Variants in ATXN1 observed in about 807,000 individuals in gnomAD.
ATXN1 encodes ataxin 1.
Under a neutral mutation model 56.4 loss-of-function variants are expected in ATXN1, and 8 were observed. That is an observed-to-expected ratio of 0.14 (90% CI 0.08 to 0.26). The LOEUF is 0.26. Ranked by LOEUF, ATXN1 falls within the 10% of genes least tolerant of loss-of-function variation. The pLI is 1.00. For synonymous variants in ATXN1, 514 were observed against 494.6 expected, an observed-to-expected ratio of 1.04 and a Z score of -0.52; for missense variants, 987 against 1,106.5, an observed-to-expected ratio of 0.89 and a Z score of 1.53.
intron 6 of ATXN1, among the ~76,000 whole-genome samples, chr6:16,358,655 G>A (rs1261024406): frequency 6.6e-6 from 1 of 152,190 alleles, no homozygotes; most frequent in African/African-American, 2.4e-5. Flanking sequence ...TGTTCATTCC[G>A]AGTTGGGATG....
intron 2 of ATXN1, among the ~76,000 whole-genome samples, chr6:16,716,451 T>C (rs1759642721): frequency 6.6e-6 from 1 of 152,176 alleles, no homozygotes; most frequent in African/African-American, 2.4e-5. Flanking sequence ...AACTGGAAGA[T>C]CTGAGCTCAG....
chr6:16,730,486 T>TATATATA (rs869056128), intron 2 of ATXN1, among the ~76,000 whole-genome samples: 1 of 109,018 alleles, frequency 9.2e-6, no homozygotes, highest in Admixed American at 9.6e-5. Flanking sequence ...TAAAACAGTA[T>TATATATA]GTATATATAT....
chr6:16,331,309 G>A (rs1380721164), intron 6 of ATXN1, among the ~76,000 whole-genome samples: 1 of 152,172 alleles, frequency 6.6e-6, no homozygotes, highest in Non-Finnish European at 1.5e-5. Flanking sequence ...CCCACCTAGG[G>A]TTTTTGTAAG....
chr6:16,391,111 G>A (rs1272484866), intron 6 of ATXN1, among the ~76,000 whole-genome samples: 1 of 141,004 alleles, frequency 7.1e-6, no homozygotes, highest in East Asian at 2.1e-4. Context: ...GCAGTGAGCC[G>A]AGATTGCGTC....
rs559330521 is a variant in ATXN1 at position 16,674,051 on chromosome 6, T to TATATATATATA, written c.-614-16151_-614-16150insTATATATATAT. On this transcript the variant is annotated intron_variant, in intron 2 of 7. Coordinates refer to ENST00000436367, the MANE Select transcript of ATXN1 (RefSeq NM_001128164.2). ...ATACATGGAAATGCTCTAACGTGTTTTATATATATATATATTCTTACATTG... is the reference window on the plus strand; with the variant it reads ...ATACATGGAAATGCTCTAACGTGTTTATATATATATATATATATATATATATTCTTACATTG... 6.2e-3 allele frequency among the ~76,000 whole-genome samples: 940 copies of TATATATATATA among 151,904 alleles called. 7 individuals are homozygous for TATATATATATA. Among genetic ancestry groups the TATATATATATA allele is most frequent in the Middle Eastern group, 0.031 (9 of 294 alleles).
chr6:16,577,918 T>A (rs1342669063), intron 4 of ATXN1, among the ~76,000 whole-genome samples: 1 of 152,196 alleles, frequency 6.6e-6, no homozygotes, highest in East Asian at 1.9e-4. Flanking sequence ...TTCTATTTTA[T>A]AGAGATGCGG....
At chr6:16,491,277 A>ATTTTTTTT (rs57395401) in intron 5 of ATXN1, among the ~76,000 whole-genome samples, 1 of 132,222 alleles carries the variant, frequency 7.6e-6, no homozygotes, top group Non-Finnish European at 1.6e-5. Context: ...TATTATTATT[A>ATTTTTTTT]TTTTTTTTTT....
chr6:16,460,827 C>G lies in ATXN1; in HGVS notation c.-161+25145G>C, dbSNP rs181124186. On this transcript the variant is annotated intron_variant, in intron 6 of 7. Transcript: ENST00000436367. ...GTACTTGAAAGTAAGTCTCTTCCCCCCACGGACCAGCGCCTAGTTAGCAGA... is the reference window on the plus strand; with the variant it reads ...GTACTTGAAAGTAAGTCTCTTCCCCGCACGGACCAGCGCCTAGTTAGCAGA... 2.5e-3 allele frequency among the ~76,000 whole-genome samples: 376 copies of G among 152,294 alleles called. 2 individuals are homozygous for G. The highest frequency in any genetic ancestry group is 0.021 in the South Asian group (102 of 4,816).
At chr6:16,324,260 C>T (rs1259619864) in intron 7 of ATXN1, among the ~76,000 whole-genome samples, 1 of 152,040 alleles carries the variant, frequency 6.6e-6, no homozygotes, top group Non-Finnish European at 1.5e-5. Flanking sequence ...CTAGGCAACA[C>T]AGCAAGACCC....
At chr6:16,339,825 C>T (rs961609167) in intron 6 of ATXN1, among the ~76,000 whole-genome samples, 14 of 152,272 alleles carry the variant, frequency 9.2e-5, no homozygotes, top group East Asian at 5.8e-4. Flanking sequence ...ACTCTGTCAC[C>T]ATGCTGTAGT....
At chr6:16,669,058 A>G (rs1242779287) in intron 2 of ATXN1, among the ~76,000 whole-genome samples, 1 of 152,116 alleles carries the variant, frequency 6.6e-6, no homozygotes, top group African/African-American at 2.4e-5. Flanking sequence ...AATAACAACA[A>G]TCCTCCCATA....
At chr6:16,476,080 C>T (rs1760321604) in intron 6 of ATXN1, among the ~76,000 whole-genome samples, 1 of 152,078 alleles carries the variant, frequency 6.6e-6, no homozygotes, top group South Asian at 2.1e-4. Context: ...ACCATGTTGG[C>T]CAGGCTGGTC....
rs992899679 is a variant in ATXN1, at chr6:16,656,974, T to G, written c.-489+802A>C. Among the ~76,000 whole-genome samples, 13 of 149,326 alleles carry G rather than the reference T, an allele frequency of 8.7e-5. No homozygotes were observed. In the Admixed American group the frequency reaches 8.9e-4, roughly 10 times the overall value. On this transcript the variant is annotated intron_variant, in intron 3 of 7. Transcript: ENST00000436367. ...GAAAAGGTACAACCAAAATACAGTA[T>G]TATAATCTTTTTTTTTTTTTTTTTT...
chr6:16,397,929 T>C (rs1758489342), intron 6 of ATXN1, among the ~76,000 whole-genome samples: 1 of 152,206 alleles, frequency 6.6e-6, no homozygotes, highest in Admixed American at 6.5e-5. Flanking sequence ...TATGTTGAGT[T>C]TCATTGTCCC....
At chr6:16,704,310 A>G (rs555865358) in intron 2 of ATXN1, among the ~76,000 whole-genome samples, 15 of 149,146 alleles carry the variant, frequency 1.0e-4, no homozygotes, top group African/African-American at 3.8e-4. Context: ...TTCCTTAACT[A>G]TCATTGCCTC....
intron 3 of ATXN1, among the ~76,000 whole-genome samples, chr6:16,595,101 G>A (rs943886142): frequency 6.6e-6 from 1 of 152,172 alleles, no homozygotes; most frequent in Non-Finnish European, 1.5e-5. Context: ...AGGAAATCAT[G>A]TACAAATATA....
At chr6:16,730,482 A>AATATATATAT (rs1759945045) in intron 2 of ATXN1, among the ~76,000 whole-genome samples, 1 of 84,980 alleles carries the variant, frequency 1.2e-5, no homozygotes, top group South Asian at 4.2e-4. Flanking sequence ...AGGGTAAAAC[A>AATATATATAT]GTATGTATAT....
At chr6:16,394,253 C>T (rs61610206) in intron 6 of ATXN1, among the ~76,000 whole-genome samples, 1,705 of 152,238 alleles carry the variant, frequency 0.011, 28 homozygotes, top group African/African-American at 0.037. Flanking sequence ...CACTCCTTCC[C>T]GGTCACGTGC....
intron 6 of ATXN1, among the ~76,000 whole-genome samples, chr6:16,435,265 A>G (rs979345205): frequency 6.6e-6 from 1 of 152,124 alleles, no homozygotes; most frequent in Non-Finnish European, 1.5e-5. Context: ...CACAGGCCCG[A>G]AGATGATGAG....
Sources: allele counts gnomAD v4.1 joint callset (sites outside exome capture counted in the v4.1 genomes callset), GRCh38; gene constraint gnomAD v4.1.1; transcripts MANE v1.5; gene names NCBI Gene and HGNC (gene_info 2026-07-23, HGNC 2026-07-21).